FSTL5: variants seen among roughly 807,000 people sequenced by gnomAD.
The protein encoded by FSTL5 is follistatin like 5.
A neutral mutation model predicts 89.1 loss-of-function variants in FSTL5; 62 were observed. That is an observed-to-expected ratio of 0.70 (90% CI 0.57 to 0.86). FSTL5 has a LOEUF of 0.86. FSTL5 is among the 40% of genes least tolerant of loss of function. The pLI is 0.00. For missense variants in FSTL5, 1,057 were observed against 1,001.6 expected (o/e 1.06, Z -0.75); for synonymous variants, 383 against 346.2 (o/e 1.11, Z -1.18).
In FSTL5 at chr4:161,669,118, A is replaced by T. The variant is rs550897745; in HGVS notation, c.728-12624T>A. On this transcript the variant is annotated intron_variant, in intron 6 of 15. Transcript: ENST00000306100. ...CAGAGTGAGACTCTGTCTCAAAAAA[A>T]AAAAAAAAATAAAATAAAATAAAAG... is the stretch of plus-strand genomic sequence containing the variant. Among the ~76,000 whole-genome samples, 461 of 147,438 alleles carry T rather than the reference A, an allele frequency of 3.1e-3. 1 individual carries two copies. The highest frequency in any genetic ancestry group is 0.011 in the African/African-American group (448 of 39,150).
At chr4:161,776,690 T>A (rs574056574) in intron 4 of FSTL5, among the ~76,000 whole-genome samples, 4 of 151,470 alleles carry the variant, frequency 2.6e-5, no homozygotes, top group Middle Eastern at 3.5e-3. Flanking sequence ...TTAAAAAAAT[T>A]TTTAGTTGTT....
At chr4:161,823,273 T>C (rs1180219796) in intron 4 of FSTL5, among the ~76,000 whole-genome samples, 3 of 152,148 alleles carry the variant, frequency 2.0e-5, no homozygotes, top group Non-Finnish European at 4.4e-5. Context: ...GATGGCTTCC[T>C]GGCAACATCA....
chr4:162,130,240 T>G (rs1350255963), intron 1 of FSTL5, among the ~76,000 whole-genome samples: 1 of 152,160 alleles, frequency 6.6e-6, no homozygotes, highest in Non-Finnish European at 1.5e-5. Context: ...GAAGGAATAT[T>G]CCTAAACCCG....
intron 1 of FSTL5, among the ~76,000 whole-genome samples, chr4:162,143,757 A>G (rs1229906445): frequency 1.0e-4 from 14 of 134,866 alleles, no homozygotes; most frequent in African/African-American, 3.6e-4. Flanking sequence ...CACCCAGGAA[A>G]AAAGGTTACA....
At chr4:161,579,657 C>T (rs1333377911) in intron 8 of FSTL5, among the ~76,000 whole-genome samples, 1 of 147,594 alleles carries the variant, frequency 6.8e-6, no homozygotes, top group Non-Finnish European at 1.5e-5. Context: ...GCAGAGGTTG[C>T]AGTGAGCCAA....
chr4:161,403,030 C>T (rs1374090884), intron 15 of FSTL5, among the ~76,000 whole-genome samples: 2 of 152,022 alleles, frequency 1.3e-5, no homozygotes, highest in African/African-American at 2.4e-5. Flanking sequence ...GGGGTTTCAC[C>T]GTGTTAGCGA....
intron 15 of FSTL5, among the ~76,000 whole-genome samples, chr4:161,446,393 A>C (rs2126380099): frequency 6.6e-6 from 1 of 152,180 alleles, no homozygotes; most frequent in South Asian, 2.1e-4. Flanking sequence ...GTTAAGCCAC[A>C]GTAGAATGCT....
chr4:161,860,886 C>T (rs1030905669), intron 4 of FSTL5, among the ~76,000 whole-genome samples: 4 of 151,982 alleles, frequency 2.6e-5, no homozygotes, highest in Non-Finnish European at 5.9e-5. Flanking sequence ...ACTTCTCTCC[C>T]TCTCTCTCTT....
intron 3 of FSTL5, among the ~76,000 whole-genome samples, chr4:162,018,653 T>TA (rs5863508): frequency 6.6e-6 from 1 of 151,160 alleles, no homozygotes; most frequent in Non-Finnish European, 1.5e-5. Context: ...TTTCTTTAAT[T>TA]AAAAAAAAAA....
At chr4:161,963,755 G>A (rs907122365) in intron 3 of FSTL5, among the ~76,000 whole-genome samples, 1 of 151,950 alleles carries the variant, frequency 6.6e-6, no homozygotes, top group East Asian at 1.9e-4. Context: ...AATGGCCTTG[G>A]ATAAGTATAA....
intron 4 of FSTL5, among the ~76,000 whole-genome samples, chr4:161,874,329 T>C (rs923895011): frequency 7.9e-5 from 12 of 152,064 alleles, no homozygotes; most frequent in African/African-American, 2.9e-4. Context: ...TGCTGTTCTG[T>C]TTCAGTTAAT....
At chr4:161,766,612 C>CT (rs1247593208) in intron 5 of FSTL5, among the ~76,000 whole-genome samples, 2 of 152,196 alleles carry the variant, frequency 1.3e-5, no homozygotes, top group Non-Finnish European at 2.9e-5. Context: ...TCAGAAAACT[C>CT]TTTTGTCCTC....
Position 161,529,319 on chromosome 4 carries a change from G to T in FSTL5, c.1312+8847C>A, listed in dbSNP as rs1335282975. On this transcript the variant is annotated intron_variant, in intron 10 of 15. Transcript: ENST00000306100. ...AGAAGTCACAAGACAGGTATTTTCG[G>T]TATGTTCTGGGTAAAAAGATGAAAA... Among the ~76,000 whole-genome samples, 11 of 142,744 alleles carry T rather than the reference G, an allele frequency of 7.7e-5. 2 individuals carry two copies. Among genetic ancestry groups the T allele is most frequent in the Non-Finnish European group, 1.4e-4 (9 of 65,144 alleles). The allele number at this position is 142,744 out of a possible 152,430, so 93.6% of individuals were successfully genotyped here.
intron 7 of FSTL5, among the ~76,000 whole-genome samples, chr4:161,629,184 T>A (rs1735414604): frequency 1.3e-5 from 2 of 152,262 alleles, no homozygotes; most frequent in Admixed American, 6.5e-5. Context: ...CTGTTTCTGC[T>A]TCCTTCATGT....
chr4:161,598,987 C>A (rs1225327586), intron 7 of FSTL5, among the ~76,000 whole-genome samples: 1 of 151,630 alleles, frequency 6.6e-6, no homozygotes, highest in Non-Finnish European at 1.5e-5. Context: ...AAGTAATTTA[C>A]AAATTAAACT....
intron 13 of FSTL5, among the ~76,000 whole-genome samples, chr4:161,479,955 G>A (rs1729439053): frequency 6.6e-6 from 1 of 152,102 alleles, no homozygotes; most frequent in Admixed American, 6.6e-5. Context: ...TGGATGGATG[G>A]ATGGATGGAT....
intron 15 of FSTL5, among the ~76,000 whole-genome samples, chr4:161,402,162 G>C (rs17041010): frequency 6.6e-6 from 1 of 151,954 alleles, no homozygotes; most frequent in Non-Finnish European, 1.5e-5. Context: ...TGGCAGAAAA[G>C]AAAATGAAAC....
chr4:161,539,866 G>T (rs904543911), intron 9 of FSTL5, among the ~76,000 whole-genome samples: 106 of 143,300 alleles, frequency 7.4e-4, no homozygotes, highest in African/African-American at 2.6e-3. Flanking sequence ...TCACCTTCTT[G>T]TTTTATATAA....
chr4:161,845,677 T>G (rs77580363), intron 4 of FSTL5, among the ~76,000 whole-genome samples: 5,256 of 152,326 alleles, frequency 0.035, 178 homozygotes, highest in East Asian at 0.15. Context: ...TAGTTTATAA[T>G]GTAACTCATT....
Sources: allele counts gnomAD v4.1 joint callset (sites outside exome capture counted in the v4.1 genomes callset), GRCh38; gene constraint gnomAD v4.1.1; transcripts MANE v1.5; gene names NCBI Gene and HGNC (gene_info 2026-07-23, HGNC 2026-07-21).